Variants in DACH1 observed in about 807,000 individuals in gnomAD.
DACH1 encodes dachshund homolog 1.
In DACH1, 12 loss-of-function variants were observed where a neutral mutation model predicts 54.2. The ratio of observed to expected loss-of-function variants is 0.22; its 90% CI spans 0.14 to 0.36. The LOEUF is 0.36. Ranked by LOEUF, DACH1 falls within the 10% of genes least tolerant of loss-of-function variation. The pLI is 1.00. For synonymous variants in DACH1, 386 were observed against 366.2 expected, an observed-to-expected ratio of 1.05 and a Z score of -0.62; for missense variants, 805 against 929.8, an observed-to-expected ratio of 0.87 and a Z score of 1.75.
intron 10 of DACH1, chr13:71,464,454 C>T (rs1876373622): frequency 3.3e-6 from 1 of 304,790 alleles, no homozygotes; most frequent in Non-Finnish European, 6.4e-6. Context: ...TTAAAACATA[C>T]AAACTTGTGC....
chr13:71,516,370 C>G (rs560935143), intron 6 of DACH1, among the ~76,000 whole-genome samples: 36 of 151,596 alleles, frequency 2.4e-4, no homozygotes, highest in Admixed American at 7.3e-4. Context: ...GTCTAATTAG[C>G]AGAAAGAGGG....
At chr13:71,515,082 A>G (rs1024322833) in intron 6 of DACH1, among the ~76,000 whole-genome samples, 3 of 151,900 alleles carry the variant, frequency 2.0e-5, no homozygotes, top group Admixed American at 1.3e-4. Context: ...TTGAGTCACC[A>G]TATCTTTAAT....
At chr13:71,661,217 A>G (rs1244408288) in intron 2 of DACH1, among the ~76,000 whole-genome samples, 2 of 151,436 alleles carry the variant, frequency 1.3e-5, no homozygotes, top group Non-Finnish European at 1.5e-5. Context: ...ACATTGTTTT[A>G]TCTTGAGTAA....
intron 6 of DACH1, among the ~76,000 whole-genome samples, chr13:71,543,292 C>T (rs1883253026): frequency 6.6e-6 from 1 of 152,036 alleles, no homozygotes; most frequent in Non-Finnish European, 1.5e-5. Context: ...CAGCACACAT[C>T]CCACATTGGA....
intron 3 of DACH1, among the ~76,000 whole-genome samples, chr13:71,608,671 C>A (rs982432069): frequency 6.6e-6 from 1 of 151,940 alleles, no homozygotes; most frequent in Non-Finnish European, 1.5e-5. Flanking sequence ...ATAATTAATC[C>A]TAAAACTAAA....
intron 1 of DACH1, among the ~76,000 whole-genome samples, chr13:71,779,891 T>G (rs937531043): frequency 6.6e-6 from 1 of 152,128 alleles, no homozygotes; most frequent in Non-Finnish European, 1.5e-5. Flanking sequence ...TTATTTCTCT[T>G]TCCTACTATA....
chr13:71,559,044 A>G (rs896418411), intron 5 of DACH1, among the ~76,000 whole-genome samples: 3 of 152,100 alleles, frequency 2.0e-5, no homozygotes, highest in Non-Finnish European at 4.4e-5. Flanking sequence ...TATAGGTTTT[A>G]TCAAACAAGT....
At chr13:71,789,088 A>T (rs1293573524) in intron 1 of DACH1, among the ~76,000 whole-genome samples, 1 of 152,180 alleles carries the variant, frequency 6.6e-6, no homozygotes, top group East Asian at 1.9e-4. Flanking sequence ...AGTTCACAAG[A>T]TTCCTTTATC....
chr13:71,556,522 A>G (rs1884261235), intron 6 of DACH1, among the ~76,000 whole-genome samples: 1 of 152,188 alleles, frequency 6.6e-6, no homozygotes, highest in Admixed American at 6.5e-5. Flanking sequence ...ACAAAATATA[A>G]GAAACTTTTT....
At chr13:71,542,893 C>T (rs1217332244) in intron 6 of DACH1, among the ~76,000 whole-genome samples, 1 of 152,068 alleles carries the variant, frequency 6.6e-6, no homozygotes, top group Non-Finnish European at 1.5e-5. Flanking sequence ...TGAGCATTTT[C>T]AGGAGATTAA....
intron 1 of DACH1, among the ~76,000 whole-genome samples, chr13:71,786,234 G>A (rs1312591220): frequency 6.6e-6 from 1 of 152,166 alleles, no homozygotes; most frequent in African/African-American, 2.4e-5. Context: ...TTATGCACAT[G>A]TGCATGTAAG....
intron 1 of DACH1, among the ~76,000 whole-genome samples, chr13:71,774,573 A>T (rs1885987382): frequency 6.6e-6 from 1 of 152,038 alleles, no homozygotes. Context: ...TATGATACCA[A>T]CCCTTTGAGG....
chr13:71,569,174 AT>A (rs762227668), intron 4 of DACH1, among the ~76,000 whole-genome samples: 5 of 151,186 alleles, frequency 3.3e-5, no homozygotes, highest in South Asian at 2.1e-4. Flanking sequence ...AATTATTTTA[AT>A]TTTTTTTTCT....
At chr13:71,685,949 A>G (rs146711918) in intron 1 of DACH1, among the ~76,000 whole-genome samples, 439 of 152,284 alleles carry the variant, frequency 2.9e-3, no homozygotes, top group Non-Finnish European at 4.0e-3. Flanking sequence ...ACTTAGAAAA[A>G]CAAAAACTTA....
At chr13:71,832,197 C>A (rs376565056) in intron 1 of DACH1, among the ~76,000 whole-genome samples, 47 of 151,946 alleles carry the variant, frequency 3.1e-4, no homozygotes, top group African/African-American at 1.1e-3. Flanking sequence ...AAAGAGAAGA[C>A]AACTAAATGG....
intron 3 of DACH1, among the ~76,000 whole-genome samples, chr13:71,597,666 T>C (rs1465462546): frequency 6.6e-6 from 1 of 152,172 alleles, no homozygotes; most frequent in Non-Finnish European, 1.5e-5. Context: ...GGTCTCTCAG[T>C]GCCTCAGTTC....
intron 10 of DACH1, among the ~76,000 whole-genome samples, chr13:71,450,950 A>G (rs895951485): frequency 6.6e-6 from 1 of 152,160 alleles, no homozygotes; most frequent in Non-Finnish European, 1.5e-5. Context: ...CGAAATCTGC[A>G]TCCTGTGATT....
chr13:71,543,709 A>G (rs1268790227), intron 6 of DACH1, among the ~76,000 whole-genome samples: 3 of 152,116 alleles, frequency 2.0e-5, no homozygotes, highest in Non-Finnish European at 2.9e-5. Flanking sequence ...CAATACTGAT[A>G]TGGAGAATGT....
At chr13:71,603,543 C>A (rs1237574472) in intron 3 of DACH1, among the ~76,000 whole-genome samples, 1 of 151,934 alleles carries the variant, frequency 6.6e-6, no homozygotes, top group Admixed American at 6.6e-5. Context: ...TAAACCACCT[C>A]TCTGCAGAGT....
Sources: gnomAD v4.1 joint callset for allele counts (sites outside exome capture counted in the v4.1 genomes callset) on GRCh38, gnomAD v4.1.1 for gene constraint, MANE v1.5 for transcripts, NCBI Gene and HGNC (gene_info 2026-07-23, HGNC 2026-07-21) for gene names.